The following MAD1L1 variants were observed in gnomAD, a reference collection of about 807,000 sequenced individuals.
MAD1L1 encodes mitotic spindle assembly checkpoint protein MAD1.
A neutral mutation model predicts 96.9 loss-of-function variants in MAD1L1; 95 were observed. The observed-to-expected ratio is 0.98, with a 90% CI of 0.83 to 1.16. The LOEUF is 1.16. MAD1L1 is among the 50% of genes most tolerant of loss of function. The pLI is 0.00. For missense variants in MAD1L1, 1,007 were observed against 954.4 expected (o/e 1.06, Z -0.73); for synonymous variants, 473 against 396.6 (o/e 1.19, Z -2.29).
At chr7:2,021,204 G>T (rs1782775147) in intron 12 of MAD1L1, among the ~76,000 whole-genome samples, 1 of 152,140 alleles carries the variant, frequency 6.6e-6, no homozygotes. Context: ...CTAAACCCCA[G>T]ATCCAGGAAG....
intron 15 of MAD1L1, among the ~76,000 whole-genome samples, chr7:1,980,146 G>A (rs906652814): frequency 6.6e-5 from 10 of 152,218 alleles, no homozygotes; most frequent in African/African-American, 2.2e-4. Flanking sequence ...CGTGTCTCCC[G>A]CACTCCCCTC....
chr7:2,045,201 C>T (rs1346850372), intron 12 of MAD1L1, among the ~76,000 whole-genome samples: 2 of 152,222 alleles, frequency 1.3e-5, no homozygotes, highest in African/African-American at 4.8e-5. Context: ...AGCACCAGCC[C>T]GTGTCTCAGT....
chr7:1,983,257 C>G (rs1026397274), intron 14 of MAD1L1, among the ~76,000 whole-genome samples: 2 of 152,184 alleles, frequency 1.3e-5, no homozygotes, highest in African/African-American at 2.4e-5. Flanking sequence ...CTCCTTTTCC[C>G]ACAGTCTGAA....
chr7:1,936,643 C>T (rs748162232), intron 17 of MAD1L1, 44 bp downstream of exon 17: 95 of 1,523,078 alleles, frequency 6.2e-5, no homozygotes, highest in Admixed American at 2.4e-4. Context: ...GACCTACCCA[C>T]GGAAGGTCGA....
intron 17 of MAD1L1, among the ~76,000 whole-genome samples, chr7:1,921,827 G>GA (rs35762404): frequency 1.3e-5 from 2 of 151,820 alleles, no homozygotes; most frequent in African/African-American, 2.4e-5. Flanking sequence ...TAGTGATCTG[G>GA]AAAAAAAATC....
intron 11 of MAD1L1, among the ~76,000 whole-genome samples, chr7:2,110,764 G>A (rs151175625): frequency 0.012 from 1,866 of 152,220 alleles, 29 homozygotes; most frequent in African/African-American, 0.042. Context: ...GATACTCACC[G>A]CCTGCCCCCA....
At chr7:1,917,196 C>T (rs1037335645) in intron 17 of MAD1L1, among the ~76,000 whole-genome samples, 4 of 152,314 alleles carry the variant, frequency 2.6e-5, no homozygotes, top group South Asian at 2.1e-4. Flanking sequence ...GTGGGCTTGG[C>T]GCTGGGGTCC....
At chr7:1,952,188 A>G (rs749990555) in intron 16 of MAD1L1, among the ~76,000 whole-genome samples, 4 of 152,240 alleles carry the variant, frequency 2.6e-5, no homozygotes, top group Admixed American at 6.5e-5. Flanking sequence ...TGGGCAGAAC[A>G]TTCCTGGTTT....
chr7:2,083,318 A>G (rs1171219778), intron 11 of MAD1L1, among the ~76,000 whole-genome samples: 1 of 152,212 alleles, frequency 6.6e-6, no homozygotes, highest in Non-Finnish European at 1.5e-5. Flanking sequence ...GGGGGCTTGG[A>G]GGGCTGACAC....
At chr7:1,848,024 G>C (rs753948799) in intron 18 of MAD1L1, 1 of 339,202 alleles carries the variant, frequency 2.9e-6, no homozygotes, top group Non-Finnish European at 5.8e-6. Flanking sequence ...TCATGACAGA[G>C]AAGCGGCTGG....
At chr7:1,914,129 G>A (rs540035488) in intron 17 of MAD1L1, among the ~76,000 whole-genome samples, 10 of 152,300 alleles carry the variant, frequency 6.6e-5, no homozygotes, top group East Asian at 5.8e-4. Context: ...TCTGCCACAC[G>A]CCCTCACTGG....
chr7:1,934,768 C>T (rs548405372), intron 17 of MAD1L1, among the ~76,000 whole-genome samples: 70 of 150,874 alleles, frequency 4.6e-4, no homozygotes, highest in African/African-American at 1.6e-3. Flanking sequence ...AACAGGTGAA[C>T]GAACACACGA....
intron 11 of MAD1L1, among the ~76,000 whole-genome samples, chr7:2,141,821 G>C (rs577236600): frequency 8.4e-4 from 128 of 152,330 alleles, no homozygotes; most frequent in Non-Finnish European, 1.4e-3. Flanking sequence ...GGAAGGCCCA[G>C]CTCCTCCACA....
intron 11 of MAD1L1, among the ~76,000 whole-genome samples, chr7:2,141,287 G>A (rs959653593): frequency 4.6e-5 from 7 of 152,274 alleles, no homozygotes; most frequent in African/African-American, 1.7e-4. Context: ...GCGTGCTGCG[G>A]GGCACAGCCA....
chr7:1,915,018 GC>G (rs1223218680), intron 17 of MAD1L1, among the ~76,000 whole-genome samples: 2 of 152,294 alleles, frequency 1.3e-5, no homozygotes, highest in African/African-American at 4.8e-5. Flanking sequence ...CCAGAGCCGA[GC>G]CCTCCCTGCT....
chr7:2,037,874 AG>A (rs1783509742), intron 12 of MAD1L1, among the ~76,000 whole-genome samples: 1 of 152,218 alleles, frequency 6.6e-6, no homozygotes, highest in South Asian at 2.1e-4. Context: ...TTCAAGAGAA[AG>A]GAAGAGTCGC....
At chr7:1,903,328 G>A (rs1283914850) in intron 17 of MAD1L1, among the ~76,000 whole-genome samples, 428 of 143,374 alleles carry the variant, frequency 3.0e-3, no homozygotes, top group African/African-American at 0.01. Context: ...AGTGGCCTAC[G>A]GAAGACACTC....
intron 12 of MAD1L1, among the ~76,000 whole-genome samples, chr7:2,059,858 T>A: frequency 1.3e-5 from 2 of 152,132 alleles, no homozygotes; most frequent in Middle Eastern, 6.8e-3. Context: ...AACACATACA[T>A]AGAAGATCAA....
intron 10 of MAD1L1, among the ~76,000 whole-genome samples, chr7:2,160,099 G>A (rs1306863444): frequency 6.6e-6 from 1 of 151,864 alleles, no homozygotes; most frequent in Non-Finnish European, 1.5e-5. Flanking sequence ...GGCCTGGTGG[G>A]GAGTGCCTAT....
Sources: allele counts gnomAD v4.1 joint callset (sites outside exome capture counted in the v4.1 genomes callset), GRCh38; gene constraint gnomAD v4.1.1; transcripts MANE v1.5; gene names NCBI Gene and HGNC (gene_info 2026-07-23, HGNC 2026-07-21).